Variants in EML1 observed in about 807,000 individuals in gnomAD.
EML1 encodes the protein EMAP like 1.
EML1 carries 27 observed loss-of-function variants against 110.4 expected under a neutral mutation model. The ratio of observed to expected loss-of-function variants is 0.24; its 90% CI spans 0.18 to 0.34. EML1 has a LOEUF of 0.34. Among genes scored for constraint, EML1 ranks in the 10% least tolerant of loss-of-function variants. The probability of loss-of-function intolerance (pLI) is 1.00; values close to 1 mark genes in which losing one functional copy is unlikely to be tolerated. For synonymous variants in EML1, 344 were observed against 385.8 expected (o/e 0.89, Z 1.27); for missense variants, 741 against 1,030.9 (o/e 0.72, Z 3.85).
At chr14:99,900,712 A>G (rs2059749623) in intron 8 of EML1, among the ~76,000 whole-genome samples, 1 of 152,034 alleles carries the variant, frequency 6.6e-6, no homozygotes, top group Admixed American at 6.6e-5. Context: ...AACTTGGTAG[A>G]CCTCTCCTTA....
intron 2 of EML1, among the ~76,000 whole-genome samples, chr14:99,862,113 T>G (rs2059012338): frequency 6.6e-6 from 1 of 152,174 alleles, no homozygotes; most frequent in Non-Finnish European, 1.5e-5. Flanking sequence ...ATCTTGACAG[T>G]TTTGAGGAAT....
At chr14:99,764,646 A>G (rs1485620371) in intron 1 of EML1, among the ~76,000 whole-genome samples, 1 of 152,234 alleles carries the variant, frequency 6.6e-6, no homozygotes, top group Non-Finnish European at 1.5e-5. Context: ...TGCCGCTGCA[A>G]GGAGAGAAGG....
At chr14:99,877,235 A>G (rs548818758) in intron 3 of EML1, among the ~76,000 whole-genome samples, 4 of 152,094 alleles carry the variant, frequency 2.6e-5, no homozygotes, top group Admixed American at 6.5e-5. Context: ...CCATAAGGGC[A>G]CTAATTCCAC....
At chr14:99,833,554 C>T (rs2058494208) in intron 1 of EML1, among the ~76,000 whole-genome samples, 1 of 152,152 alleles carries the variant, frequency 6.6e-6, no homozygotes, top group African/African-American at 2.4e-5. Context: ...TGAATCTATA[C>T]ATTAAATTTT....
At position 99,796,936 on chromosome 14, in the gene EML1, T is replaced by TGTGTGAGAGAGA. The variant is rs368044152; in HGVS notation, c.67+3394_67+3395insTGTGAGAGAGAG. Among the ~76,000 whole-genome samples, 51 of 150,144 alleles carry TGTGTGAGAGAGA rather than the reference T, an allele frequency of 3.4e-4. No individual in the cohort carries two copies. The East Asian group carries it at 3.9e-3, about 12-fold the overall frequency. On this transcript the variant is annotated intron_variant, in intron 1 of 21. Coordinates refer to ENST00000262233, the MANE Select transcript of EML1 (RefSeq NM_004434.3). Reference sequence around the variant, plus strand: ...GTGTGTGTGTGTGTGTGTGTGTGTGTGAGAGAGTAATAGCTTTATTGAAAT... The same window carrying TGTGTGAGAGAGA: ...GTGTGTGTGTGTGTGTGTGTGTGTGTGTGTGAGAGAGAGAGAGAGTAATAGCTTTATTGAAAT...
At chr14:99,765,832 C>T (rs897897479) in intron 1 of EML1, among the ~76,000 whole-genome samples, 8 of 151,960 alleles carry the variant, frequency 5.3e-5, no homozygotes, top group African/African-American at 1.9e-4. Flanking sequence ...CTTGAACCCC[C>T]TGCCTCAAGT....
At chr14:99,850,032 A>G in intron 1 of EML1, 1 of 317,540 alleles carries the variant, frequency 3.1e-6, no homozygotes, top group Non-Finnish European at 6.1e-6. Flanking sequence ...GGGCCCCAAG[A>G]AACTGCCCCA....
chr14:99,916,749 A>T (rs1266401841), intron 15 of EML1, among the ~76,000 whole-genome samples: 1 of 151,924 alleles, frequency 6.6e-6, no homozygotes, highest in African/African-American at 2.4e-5. Context: ...TTACTATATT[A>T]CTGCCCCCTT....
At chr14:99,874,810 T>C (rs1408435176) in intron 3 of EML1, 1 of 771,664 alleles carries the variant, frequency 1.3e-6, no homozygotes, top group African/African-American at 1.8e-5. Context: ...CGAACCAAAA[T>C]GTCTTTCGAT....
intron 1 of EML1, among the ~76,000 whole-genome samples, chr14:99,796,560 C>T (rs1595292913): frequency 6.7e-6 from 1 of 149,514 alleles, no homozygotes; most frequent in Non-Finnish European, 1.5e-5. Flanking sequence ...GGCATGATCA[C>T]AGCTCACTGC....
At chr14:99,754,619 C>T (rs2057223804) in intron 1 of EML1, among the ~76,000 whole-genome samples, 1 of 152,222 alleles carries the variant, frequency 6.6e-6, no homozygotes, top group Non-Finnish European at 1.5e-5. Flanking sequence ...GGTTTGCATG[C>T]ATCAACTCAC....
Position 99,864,911 on chromosome 14 carries a change from A to G in EML1, c.251-603A>G, listed in dbSNP as rs551532631. On this transcript the variant is annotated intron_variant, in intron 2 of 21. Transcript: ENST00000262233. Reference sequence around the variant, plus strand: ...CAAAATTCATGTCCTTTTCCTTTCTACTTAGCTTATGTTCTGTAAAACAGT... The same window carrying G: ...CAAAATTCATGTCCTTTTCCTTTCTGCTTAGCTTATGTTCTGTAAAACAGT... 2.6e-5 allele frequency among the ~76,000 whole-genome samples: 4 copies of G among 151,410 alleles called. No individual in the cohort carries two copies. In the South Asian group the frequency reaches 8.4e-4, roughly 32 times the overall value.
intron 1 of EML1, among the ~76,000 whole-genome samples, chr14:99,815,901 AAATCTGACAGGGGTAAG>A (rs774025422): frequency 5.9e-5 from 9 of 152,304 alleles, no homozygotes; most frequent in South Asian, 2.1e-4. Context: ...TGGAAGATAG[AAATCTGACAGGGGTAAG>A]AATCTGACAG....
chr14:99,762,579 C>T (rs538182419), intron 1 of EML1, among the ~76,000 whole-genome samples: 13 of 152,316 alleles, frequency 8.5e-5, no homozygotes, highest in African/African-American at 2.4e-4. Context: ...AGGAGGATTA[C>T]TTGAGCCCAA....
intron 1 of EML1, among the ~76,000 whole-genome samples, chr14:99,795,813 G>A (rs1395921274): frequency 1.3e-5 from 2 of 152,112 alleles, no homozygotes; most frequent in African/African-American, 4.8e-5. Flanking sequence ...TTCAGTATGC[G>A]TCATGCTGTT....
chr14:99,891,031 T>C (rs1476149421), intron 4 of EML1, among the ~76,000 whole-genome samples, 168 bp from the exon 5 acceptor site: 1 of 152,240 alleles, frequency 6.6e-6, no homozygotes, highest in Non-Finnish European at 1.5e-5. Flanking sequence ...TGATTGTTTA[T>C]GTGTGTTCCT....
chr14:99,807,532 C>T (rs2057999253), intron 1 of EML1, among the ~76,000 whole-genome samples: 1 of 152,182 alleles, frequency 6.6e-6, no homozygotes, highest in Non-Finnish European at 1.5e-5. Flanking sequence ...CAGGCACAGT[C>T]CCACCCTAGG....
At position 99,910,352 on chromosome 14, in the gene EML1, A is replaced by T; in HGVS notation, c.1339+11A>T. On this transcript the variant is annotated intron_variant, in intron 12 of 21. Transcript: ENST00000262233. ...TAGTATGGGGAAAAGGTAATAAGTGATTGTTCCCAAAACCAATGGTTTTTG... is the reference window on the plus strand; with the variant it reads ...TAGTATGGGGAAAAGGTAATAAGTGTTTGTTCCCAAAACCAATGGTTTTTG... 6.3e-7 allele frequency: 1 copy of T among 1,596,724 alleles called. No individual in the cohort carries two copies. Among genetic ancestry groups the T allele is most frequent in the Non-Finnish European group, 8.6e-7 (1 of 1,169,092 alleles).
Position 99,910,296 on chromosome 14 carries a change from A to G in EML1, c.1294A>G (p.Thr432Ala). Residue 432 changes from threonine to alanine, a missense_variant, in exon 12 of 22, where the codon ACC becomes GCC. Transcript: ENST00000262233. ...TGTGACTTTCTCTGAAAACGGTGACACCATTACTGGAGATTCAAGTGGCAA... is the reference window on the plus strand; with the variant it reads ...TGTGACTTTCTCTGAAAACGGTGACGCCATTACTGGAGATTCAAGTGGCAA... Reference protein sequence around the residue: ...LCVTFSENGDTITGDSSGNIL... With the variant: ...LCVTFSENGDAITGDSSGNIL... The G allele has an allele frequency of 1.2e-6, 2 of 1,613,690 alleles. No individual in the cohort carries two copies. The highest frequency in any genetic ancestry group is 1.7e-6 in the Non-Finnish European group (2 of 1,179,842).
Sources: allele counts gnomAD v4.1 joint callset (sites outside exome capture counted in the v4.1 genomes callset), GRCh38; gene constraint gnomAD v4.1.1; transcripts MANE v1.5; gene names NCBI Gene and HGNC (gene_info 2026-07-23, HGNC 2026-07-21).